GPR39: variants seen among roughly 807,000 people sequenced by gnomAD.
GPR39 encodes G protein-coupled receptor 39.
In GPR39, 23 loss-of-function variants were observed where a neutral mutation model predicts 18.4. The ratio of observed to expected loss-of-function variants is 1.25; its 90% CI spans 0.90 to 1.77. The LOEUF is 1.77. GPR39 is among the 40% of genes most tolerant of loss of function. The pLI, the probability that GPR39 is intolerant of heterozygous loss-of-function variation, is 0.00. For missense variants in GPR39, 647 were observed against 602.4 expected (o/e 1.07, Z -0.78); for synonymous variants, 280 against 257.9 (o/e 1.09, Z -0.82).
At position 132,531,469 on chromosome 2, in the gene GPR39, T is replaced by C. The variant is rs984556114; in HGVS notation, c.856+113571T>C. Among the ~76,000 whole-genome samples, 12 of 152,222 alleles carry C rather than the reference T, an allele frequency of 7.9e-5. 1 individual carries two copies. In the Middle Eastern group the frequency reaches 0.014, roughly 173 times the overall value. On this transcript the variant is annotated intron_variant, in intron 1 of 1. Transcript: ENST00000329321. ...ACGAGACAGAAAGTTAACAAGGATATCCAGGAATTGAACTCAGCTCTGCAC... is the reference window on the plus strand; with the variant it reads ...ACGAGACAGAAAGTTAACAAGGATACCCAGGAATTGAACTCAGCTCTGCAC...
At chr2:132,526,740 A>T (rs1416696054) in intron 1 of GPR39, among the ~76,000 whole-genome samples, 1 of 151,898 alleles carries the variant, frequency 6.6e-6, no homozygotes, top group African/African-American at 2.4e-5. Context: ...CAGGGCCCTG[A>T]TAGCTCCTAA....
chr2:132,481,423 G>A (rs1289806922), intron 1 of GPR39, among the ~76,000 whole-genome samples: 1 of 152,226 alleles, frequency 6.6e-6, no homozygotes, highest in Admixed American at 6.5e-5. Flanking sequence ...TTTGAGTATT[G>A]AGAAGTGTCT....
intron 1 of GPR39, among the ~76,000 whole-genome samples, chr2:132,432,908 G>A (rs1430783362): frequency 6.6e-6 from 1 of 152,176 alleles, no homozygotes; most frequent in Non-Finnish European, 1.5e-5. Context: ...GGCCACCTGT[G>A]CAGTGCCTAG....
chr2:132,463,043 CCATT>C (rs1373973853), intron 1 of GPR39, among the ~76,000 whole-genome samples: 3 of 152,180 alleles, frequency 2.0e-5, no homozygotes, highest in Non-Finnish European at 4.4e-5. Flanking sequence ...ATTTGTTCAT[CCATT>C]CAGTCAACAA....
intron 1 of GPR39, among the ~76,000 whole-genome samples, chr2:132,527,695 C>T (rs13006434): frequency 0.13 from 19,190 of 152,094 alleles, 2,088 homozygotes; most frequent in East Asian, 0.59. Flanking sequence ...TGATCAGTGA[C>T]GTTGAGCTTT....
At chr2:132,597,119 C>G (rs1221415784) in intron 1 of GPR39, among the ~76,000 whole-genome samples, 1 of 152,140 alleles carries the variant, frequency 6.6e-6, no homozygotes, top group Admixed American at 6.5e-5. Context: ...GGGATGGGAT[C>G]TAAGCTACCC....
rs1375992380 is a variant in GPR39 at position 132,645,532 on chromosome 2, T to G, written c.1288T>G (p.Ser430Ala). The stretch of plus-strand genomic sequence containing the variant: ...TAAGTCCCAGTCATTGAGTCTCGAG[T>G]CACTAGAGCCCAACTCAGGCGCGAA... ...QSKSQSLSLE[S>A]LEPNSGAKPA... Residue 430 changes from serine to alanine, a missense_variant, in exon 2 of 2, where the codon TCA becomes GCA. Transcript: ENST00000329321. 1 of 1,613,962 alleles carries G rather than the reference T, an allele frequency of 6.2e-7. No homozygotes were observed.
chr2:132,464,303 T>G (rs1680887142), intron 1 of GPR39, among the ~76,000 whole-genome samples: 1 of 152,182 alleles, frequency 6.6e-6, no homozygotes, highest in South Asian at 2.1e-4. Context: ...GGTAAAAGTT[T>G]AACATAGCAG....
At chr2:132,521,506 G>A (rs1399192780) in intron 1 of GPR39, among the ~76,000 whole-genome samples, 1 of 152,154 alleles carries the variant, frequency 6.6e-6, no homozygotes, top group Non-Finnish European at 1.5e-5. Context: ...TTTCACCTCT[G>A]ACTCACACCA....
chr2:132,561,954 GCCTA>G (rs139724454), intron 1 of GPR39, among the ~76,000 whole-genome samples: 1,655 of 152,174 alleles, frequency 0.011, 25 homozygotes, highest in African/African-American at 0.038. Context: ...GCTTTACTAG[GCCTA>G]CCTATTCAAA....
At chr2:132,456,734 A>G (rs901864686) in intron 1 of GPR39, among the ~76,000 whole-genome samples, 1 of 152,126 alleles carries the variant, frequency 6.6e-6, no homozygotes, top group African/African-American at 2.4e-5. Flanking sequence ...TCCTTCACTT[A>G]TGAAGCTTAG....
At chr2:132,620,991 A>G (rs1476470894) in intron 1 of GPR39, among the ~76,000 whole-genome samples, 2 of 152,028 alleles carry the variant, frequency 1.3e-5, no homozygotes, top group Non-Finnish European at 2.9e-5. Context: ...TGACCTCATA[A>G]TCCACCCACC....
chr2:132,478,032 T>C (rs62167441), intron 1 of GPR39, among the ~76,000 whole-genome samples: 8,226 of 152,286 alleles, frequency 0.054, 586 homozygotes, highest in African/African-American at 0.16. Context: ...ACATGAATCA[T>C]ATTAATAATT....
intron 1 of GPR39, among the ~76,000 whole-genome samples, chr2:132,552,903 C>CATATATAT (rs1680073182): frequency 1.1e-5 from 1 of 90,014 alleles, no homozygotes; most frequent in African/African-American, 6.3e-5. Flanking sequence ...TATATATATA[C>CATATATAT]ACACACATAT....
intron 1 of GPR39, among the ~76,000 whole-genome samples, chr2:132,640,418 A>G (rs754065296): frequency 7.9e-5 from 12 of 152,224 alleles, no homozygotes; most frequent in Non-Finnish European, 1.5e-4. Flanking sequence ...AGGAAAAATG[A>G]AAGTACTTTA....
intron 1 of GPR39, among the ~76,000 whole-genome samples, chr2:132,524,947 A>G (rs1033380870): frequency 6.6e-6 from 1 of 152,000 alleles, no homozygotes; most frequent in East Asian, 1.9e-4. Flanking sequence ...TACAGCCCAT[A>G]CTCAAGCCTG....
At chr2:132,543,997 C>G (rs1166223251) in intron 1 of GPR39, among the ~76,000 whole-genome samples, 1 of 152,200 alleles carries the variant, frequency 6.6e-6, no homozygotes, top group Admixed American at 6.5e-5. Context: ...GCATGACTTT[C>G]TCCAGACCCC....
chr2:132,568,096 T>G (rs1328628067), intron 1 of GPR39, among the ~76,000 whole-genome samples: 1 of 152,094 alleles, frequency 6.6e-6, no homozygotes, highest in Admixed American at 6.5e-5. Context: ...CCCATATGAT[T>G]AAAATGTGCA....
chr2:132,494,968 C>T (rs557266095), intron 1 of GPR39, among the ~76,000 whole-genome samples: 3 of 152,174 alleles, frequency 2.0e-5, no homozygotes, highest in Admixed American at 6.5e-5. Flanking sequence ...TGACTTTACA[C>T]GTAAAGGGAG....
Sources: gnomAD v4.1 joint callset for allele counts (sites outside exome capture counted in the v4.1 genomes callset) on GRCh38, gnomAD v4.1.1 for gene constraint, MANE v1.5 for transcripts, NCBI Gene and HGNC (gene_info 2026-07-23, HGNC 2026-07-21) for gene names.